Variants in TTC21A observed in about 807,000 individuals in gnomAD.
TTC21A encodes the protein tetratricopeptide repeat domain 21A.
A neutral mutation model predicts 156.4 loss-of-function variants in TTC21A; 128 were observed. The ratio of observed to expected loss-of-function variants is 0.82; its 90% CI spans 0.71 to 0.95. The LOEUF (loss-of-function observed/expected upper bound fraction) is 0.95, where lower values mean the gene tolerates loss of function less well. Among genes scored for constraint, TTC21A ranks in the 40% least tolerant of loss-of-function variants. The pLI is 0.00. For missense variants in TTC21A, 1,435 were observed against 1,602.3 expected (o/e 0.90, Z 1.78); for synonymous variants, 587 against 617.1 (o/e 0.95, Z 0.72).
chr3:39,111,580 C>T (rs769830372), intron 4 of TTC21A, among the ~76,000 whole-genome samples: 2 of 152,154 alleles, frequency 1.3e-5, no homozygotes, highest in Non-Finnish European at 2.9e-5. Flanking sequence ...AAGCCTCAGT[C>T]TAGGCCATGC....
At chr3:39,133,617 G>A (rs1015083946) in intron 20 of TTC21A, among the ~76,000 whole-genome samples, 1 of 152,226 alleles carries the variant, frequency 6.6e-6, no homozygotes, top group Non-Finnish European at 1.5e-5. Flanking sequence ...TTCCAAGAGG[G>A]CCTAGAGTTG....
intron 2 of TTC21A, among the ~76,000 whole-genome samples, chr3:39,109,563 G>A (rs1457881146): frequency 6.6e-6 from 1 of 152,152 alleles, no homozygotes; most frequent in Non-Finnish European, 1.5e-5. Flanking sequence ...AGGACAGGTG[G>A]GTATGGTACA....
rs200833282 is a variant in TTC21A at position 39,128,827 on chromosome 3, G to A, written c.1791G>A (p.Leu597=). 1.2e-6 allele frequency: 2 copies of A among 1,614,174 alleles called. No homozygotes were observed. The highest frequency in any genetic ancestry group is 3.3e-5 in the Admixed American group (2 of 60,026). ...TLKMVIKLPA[L]KKEEGRKFLR... ...AAATGGTCATCAAATTGCCAGCTCTGAAGAAGGAAGAAGGCAGAAAGTTCC... is the reference window on the plus strand; with the variant it reads ...AAATGGTCATCAAATTGCCAGCTCTAAAGAAGGAAGAAGGCAGAAAGTTCC... Residue 597 remains leucine (L), a synonymous_variant, in exon 14 of 29, where the codon CTG becomes CTA. Coordinates refer to ENST00000683103, the MANE Select transcript of TTC21A (RefSeq NM_001366900.1).
intron 12 of TTC21A, 95 bp downstream of exon 12, chr3:39,126,485 C>T (rs2038258829): frequency 1.1e-5 from 8 of 754,510 alleles, no homozygotes; most frequent in Non-Finnish European, 8.0e-6. Context: ...TACACACACA[C>T]ACACACACAC....
chr3:39,118,651 A>C (rs1403150599), intron 7 of TTC21A: 1 of 155,758 alleles, frequency 6.4e-6, no homozygotes, highest in African/African-American at 2.4e-5. Flanking sequence ...CTGGGCCCCA[A>C]ACATGCTCGT....
intron 6 of TTC21A, among the ~76,000 whole-genome samples, chr3:39,115,313 T>C (rs1331297234): frequency 6.6e-6 from 1 of 151,016 alleles, no homozygotes; most frequent in Non-Finnish European, 1.5e-5. Context: ...ACAGCCGCTT[T>C]GGGGAGGGTG....
intron 14 of TTC21A, 68 bp from the exon 15 acceptor site, chr3:39,129,004 G>T: frequency 1.2e-6 from 2 of 1,607,176 alleles, no homozygotes; most frequent in Non-Finnish European, 1.7e-6. Flanking sequence ...CAGGAACCAG[G>T]TTCTTTGATT....
chr3:39,120,964 G>C (rs1254732290), intron 8 of TTC21A, 33 bp from the exon 9 acceptor site: 1 of 1,566,946 alleles, frequency 6.4e-7, no homozygotes, highest in Non-Finnish European at 8.7e-7. Flanking sequence ...GGACTGACTG[G>C]TTTCCCAATT....
intron 7 of TTC21A, 84 bp from the exon 8 acceptor site, chr3:39,119,838 C>A: frequency 2.3e-6 from 2 of 882,768 alleles, no homozygotes; most frequent in Non-Finnish European, 3.7e-6. Context: ...CCAGCTGATG[C>A]TACTATGCAG....
At chr3:39,110,562 G>A (rs2036725733) in intron 3 of TTC21A, among the ~76,000 whole-genome samples, 1 of 150,472 alleles carries the variant, frequency 6.6e-6, no homozygotes, top group Non-Finnish European at 1.5e-5. Context: ...TGAGGCTAAG[G>A]ATTTTGGTTT....
At chr3:39,132,363 C>T (rs975277497) in intron 19 of TTC21A, among the ~76,000 whole-genome samples, 3 of 152,180 alleles carry the variant, frequency 2.0e-5, no homozygotes, top group Non-Finnish European at 2.9e-5. Context: ...GCCCCTGATC[C>T]GAGAGCCCCC....
In TTC21A at chr3:39,129,266, C is replaced by T. The variant is rs762241777; in HGVS notation, c.2091C>T (p.Tyr697=). 1.2e-6 allele frequency: 2 copies of T among 1,614,240 alleles called. No homozygotes were observed. The highest frequency in any genetic ancestry group is 1.7e-6 in the Non-Finnish European group (2 of 1,180,036). The change falls in exon 15 of 29, where the codon TAC becomes TAT. Residue 697 remains tyrosine (Y), a synonymous_variant. Coordinates refer to ENST00000683103, the MANE Select transcript of TTC21A (RefSeq NM_001366900.1). ...MEAREKMANI[Y]LQTLRDRRLY... is the part of the protein sequence containing the mutation. Reference sequence around the variant, plus strand: ...CCAGAGAGAAGATGGCCAACATCTACCTGCAGACCCTCAGAGACAGGCGCC... The same window carrying T: ...CCAGAGAGAAGATGGCCAACATCTATCTGCAGACCCTCAGAGACAGGCGCC...
chr3:39,122,298 G>T (rs1169723116), intron 9 of TTC21A, among the ~76,000 whole-genome samples: 1 of 143,618 alleles, frequency 7.0e-6, no homozygotes. Context: ...GCCACAGAGT[G>T]AGACTCCACC....
Position 39,138,699 on chromosome 3 carries a change from T to G in TTC21A, c.3865-12T>G. 3 of 1,614,104 alleles carry G rather than the reference T, an allele frequency of 1.9e-6. No homozygotes were observed. Among genetic ancestry groups the G allele is most frequent in the Non-Finnish European group, 2.5e-6 (3 of 1,179,988 alleles). ...TGCATGATACTGCACACCCATTCTC[T>G]CTCTGTTCCAGGTCCTCAGGGAGCA... On this transcript the variant is annotated splice_polypyrimidine_tract_variant and intron_variant, in intron 28 of 28. Transcript: ENST00000683103.
In TTC21A at chr3:39,137,866, T is replaced by C. The variant is rs2039253657; in HGVS notation, c.3675+156T>C. On this transcript the variant is annotated intron_variant, in intron 26 of 28. Transcript: ENST00000683103. ...GGGGCACATGGGCGACAGACCAGAA[T>C]AGGAATGAGGATCAAGGGCGATGGA... The C allele has an allele frequency of 6.3e-6, 5 of 787,852 alleles. No homozygotes were observed. The South Asian group carries it at 6.8e-5, about 11-fold the overall frequency. 48.8% of individuals were successfully genotyped at this position (787,852 alleles called of 1,614,324 possible).
chr3:39,108,029 T>C, intron 1 of TTC21A, 165 bp downstream of exon 1: 1 of 788,626 alleles, frequency 1.3e-6, no homozygotes, highest in Non-Finnish European at 2.0e-6. Context: ...TCTTCTCCGG[T>C]GGCTTCTGCG....
chr3:39,125,089 G>C lies in TTC21A; in HGVS notation c.1120G>C (p.Gly374Arg). 1 of 1,613,900 alleles carries C rather than the reference G, an allele frequency of 6.2e-7. No individual in the cohort carries two copies. Among genetic ancestry groups the C allele is most frequent in the Non-Finnish European group, 8.5e-7 (1 of 1,179,860 alleles). ...TGIILCHILE[G>R]HLEEAEYRLE... is the part of the protein sequence containing the mutation. ...GATCATCTTGTGTCATATCTTAGAA[G>C]GCCACCTGGAGGAAGCTGAGTACCG... The change falls in exon 10 of 29, where the codon GGC (glycine) becomes CGC (arginine). Residue 374 changes from glycine to arginine, a missense_variant. Transcript: ENST00000683103.
intron 12 of TTC21A, among the ~76,000 whole-genome samples, 155 bp downstream of exon 12, chr3:39,126,545 A>G (rs569957674): frequency 4.1e-4 from 61 of 147,546 alleles, no homozygotes; most frequent in African/African-American, 8.1e-4. Context: ...GGTACTACGC[A>G]CACACACACA....
chr3:39,132,659 G>A (rs78320176), intron 19 of TTC21A: 5 of 227,728 alleles, frequency 2.2e-5, no homozygotes, highest in Non-Finnish European at 3.4e-5. Context: ...AATATTTGTG[G>A]GTGCTTCCTC....
Sources: allele counts gnomAD v4.1 joint callset (sites outside exome capture counted in the v4.1 genomes callset), GRCh38; gene constraint gnomAD v4.1.1; transcripts MANE v1.5; gene names NCBI Gene and HGNC (gene_info 2026-07-23, HGNC 2026-07-21).